CFAP46: variants seen among roughly 807,000 people sequenced by gnomAD.
The protein encoded by CFAP46 is cilia and flagella associated protein 46, also known as cilia- and flagella-associated protein 46.
CFAP46 carries 245 observed loss-of-function variants against 325.7 expected under a neutral mutation model. The observed-to-expected ratio is 0.75, with a 90% CI of 0.68 to 0.84. CFAP46 has a LOEUF of 0.84. CFAP46 is among the 40% of genes least tolerant of loss of function. The pLI is 0.00. For synonymous variants in CFAP46, 1,523 were observed against 1,495.9 expected (o/e 1.02, Z -0.42); for missense variants, 3,346 against 3,543.0 (o/e 0.94, Z 1.41).
intron 44 of CFAP46, among the ~76,000 whole-genome samples, chr10:132,842,024 G>C (rs1848353731): frequency 6.6e-6 from 1 of 152,236 alleles, no homozygotes; most frequent in Admixed American, 6.5e-5. Context: ...CTAGAGCCTT[G>C]GCTCCTCTCC....
In CFAP46 at chr10:132,920,161, C is replaced by G; in HGVS notation, c.1628G>C (p.Gly543Ala). Residue 543 changes from glycine (G) to alanine (A), a missense_variant, in exon 14 of 58, where the codon GGC becomes GCC. Coordinates refer to ENST00000368586, the MANE Select transcript of CFAP46 (RefSeq NM_001200049.3). Reference sequence around the variant, plus strand: ...CTTCGCACAGAGGTAGGTGAACCGGCCCCTGTTCTTCCCGGTGGAGACTGA... The same window carrying G: ...CTTCGCACAGAGGTAGGTGAACCGGGCCCTGTTCTTCCCGGTGGAGACTGA... ...EAKVSTGKNR[G>A]RFTYLCAKAW... 1 of 1,545,864 alleles carries G rather than the reference C, an allele frequency of 6.5e-7. No individual in the cohort carries two copies. Among genetic ancestry groups the G allele is most frequent in the Non-Finnish European group, 8.7e-7 (1 of 1,145,212 alleles).
chr10:132,936,997 C>T lies in CFAP46; in HGVS notation c.719G>A (p.Ser240Asn). 6.5e-7 allele frequency: 1 copy of T among 1,545,904 alleles called. No individual in the cohort carries two copies. Among genetic ancestry groups the T allele is most frequent in the Non-Finnish European group, 8.8e-7 (1 of 1,136,676 alleles). The change falls in exon 7 of 58, where the codon AGC becomes AAC. Residue 240 changes from serine (S) to asparagine (N), a missense_variant. Coordinates refer to ENST00000368586, the MANE Select transcript of CFAP46 (RefSeq NM_001200049.3). ...QLKEEKKNSI[S>N]LSVTFYINML... ...ATTAATATAGAAAGTGACTGACAGG[C>T]TAATGGAATTTTTCTTTTCTTCCTT...
chr10:132,887,695 CCTCTCCT>C (rs1354062766), intron 25 of CFAP46, among the ~76,000 whole-genome samples: 1 of 120,696 alleles, frequency 8.3e-6, no homozygotes, highest in African/African-American at 3.4e-5. Context: ...CTCTCTCTCT[CCTCTCCT>C]CTCTCTCTCC....
At chr10:132,910,372 C>G (rs967893105) in intron 19 of CFAP46, among the ~76,000 whole-genome samples, 2 of 152,232 alleles carry the variant, frequency 1.3e-5, no homozygotes, top group South Asian at 2.1e-4. Context: ...GCACCCCTCC[C>G]CCACTGCAGC....
At chr10:132,922,825 C>T (rs374563754) in intron 11 of CFAP46, 117 bp from the exon 12 acceptor site, 9 of 792,260 alleles carry the variant, frequency 1.1e-5, no homozygotes, top group Admixed American at 7.4e-5. Context: ...GGCTTGGTGC[C>T]CGGTGCCCCT....
Position 132,918,521 on chromosome 10 carries a change from CT to C in CFAP46, c.1859-2del. On this transcript the variant is annotated splice_acceptor_variant, in intron 15 of 57. Transcript: ENST00000368586. LOFTEE classifies it high-confidence loss of function. ...CCGTCCCTACCTCGCTTCTTCTTCC[CT>C]GAGAGAAATGGCAGCAGGTAAGGAT... 3 of 1,512,082 alleles carry C rather than the reference CT, an allele frequency of 2.0e-6. No homozygotes were observed. The highest frequency in any genetic ancestry group is 2.7e-6 in the Non-Finnish European group (3 of 1,122,280). 93.7% of individuals were successfully genotyped at this position (1,512,082 alleles called of 1,614,324 possible).
chr10:132,832,789 G>A lies in CFAP46; in HGVS notation c.7117+569C>T, dbSNP rs571941707. ...GTCAGGGCCTTCCGCGCGCTCCCTC[G>A]TGCTTTTCACTGTCTGAGTGATTAA... On this transcript the variant is annotated intron_variant, in intron 50 of 57. Transcript: ENST00000368586. This position sits in a 1 kb window ranked among gnomAD's most constrained non-coding sequence, Gnocchi z 4.1. The A allele has an allele frequency of 2.3e-5, 11 of 471,126 alleles. No individual in the cohort carries two copies. The highest frequency in any genetic ancestry group is 6.0e-5 in the African/African-American group (3 of 50,116). The allele number at this position is 471,126 out of a possible 1,614,324, so 29.2% of individuals were successfully genotyped here.
chr10:132,924,778 G>T lies in CFAP46; in HGVS notation c.1174C>A (p.Leu392Met). Residue 392 changes from leucine to methionine, a missense_variant, in exon 11 of 58, where the codon CTG becomes ATG. Leu to Met is a conservative substitution (Grantham distance 15). Transcript: ENST00000368586. ...CGCAGGTTGTGCTGCAGCAGGGGCAGGCAGGTGTTCCACTGCGTGGCGCAC... is the reference window on the plus strand; with the variant it reads ...CGCAGGTTGTGCTGCAGCAGGGGCATGCAGGTGTTCCACTGCGTGGCGCAC... ...VVCATQWNTCLPLLQHNLRHH... is the reference protein window; with the variant it reads ...VVCATQWNTCMPLLQHNLRHH... 1 of 1,532,184 alleles carries T rather than the reference G, an allele frequency of 6.5e-7. No individual in the cohort carries two copies. The highest frequency in any genetic ancestry group is 2.5e-5 in the East Asian group (1 of 39,846). The allele number at this position is 1,532,184 out of a possible 1,614,324, so 94.9% of individuals were successfully genotyped here.
Position 132,881,640 on chromosome 10 carries a change from G to A in CFAP46, c.3628-608C>T, listed in dbSNP as rs61862351. On this transcript the variant is annotated intron_variant, in intron 27 of 57. Transcript: ENST00000368586. ...CGCACCCTCCGCAGCCCTGCGAGCC[G>A]GGGTTAGCCTGCACCGCACCCTCCG... 2.8e-4 allele frequency among the ~76,000 whole-genome samples: 21 copies of A among 75,748 alleles called. No individual in the cohort carries two copies. In the South Asian group the frequency reaches 4.6e-3, roughly 17 times the overall value. The allele number at this position is 75,748 out of a possible 152,430, so 49.7% of individuals were successfully genotyped here. A position where few individuals can be genotyped will look rare whatever the true frequency, so the allele number is the denominator to read the frequency against.
intron 25 of CFAP46, among the ~76,000 whole-genome samples, chr10:132,888,998 C>A (rs1191291605): frequency 6.6e-6 from 1 of 152,232 alleles, no homozygotes; most frequent in East Asian, 1.9e-4. Context: ...CCTCTGGAGC[C>A]TTCTCAGACT....
intron 25 of CFAP46, among the ~76,000 whole-genome samples, chr10:132,890,882 A>T (rs766977559): frequency 2.6e-5 from 4 of 151,964 alleles, no homozygotes; most frequent in Non-Finnish European, 5.9e-5. Context: ...CTCTAAATAG[A>T]CTCTAATGCT....
chr10:132,814,653 T>A (rs748667578), intron 52 of CFAP46, 33 bp downstream of exon 52: 1 of 1,582,728 alleles, frequency 6.3e-7, no homozygotes, highest in African/African-American at 1.3e-5. Context: ...CAGGGCGGGG[T>A]CTGGGGCCCC....
intron 44 of CFAP46, among the ~76,000 whole-genome samples, chr10:132,837,279 C>T (rs1229993378): frequency 1.3e-5 from 2 of 152,254 alleles, no homozygotes; most frequent in African/African-American, 4.8e-5. Context: ...CCTTCTGTGT[C>T]CTCCACACCA....
At chr10:132,835,256 G>A (rs936399964) in intron 47 of CFAP46, 48 bp downstream of exon 47, 1 of 1,599,054 alleles carries the variant, frequency 6.3e-7, no homozygotes, top group South Asian at 1.1e-5. Context: ...CCCAGGGGTG[G>A]GGAGCAGAGG....
intron 36 of CFAP46, 71 bp from the exon 37 acceptor site, chr10:132,860,594 G>A (rs937664845): frequency 2.3e-6 from 3 of 1,280,836 alleles, no homozygotes; most frequent in Non-Finnish European, 3.3e-6. Context: ...CTGAGGACGG[G>A]CGGGCAGGGA....
At chr10:132,881,973 T>C (rs532620236) in intron 27 of CFAP46, among the ~76,000 whole-genome samples, 107 of 145,700 alleles carry the variant, frequency 7.3e-4, no homozygotes, top group African/African-American at 2.7e-3. Flanking sequence ...GTGGGGTGTG[T>C]GTGGTCTGTG....
chr10:132,841,959 G>A (rs1848351352), intron 44 of CFAP46, among the ~76,000 whole-genome samples: 1 of 152,214 alleles, frequency 6.6e-6, no homozygotes, highest in South Asian at 2.1e-4. Flanking sequence ...TTCTTCCACT[G>A]CCTTGAAGAA....
chr10:132,912,833 C>T lies in CFAP46; in HGVS notation c.2334-13G>A. The T allele has an allele frequency of 1.9e-6, 3 of 1,546,604 alleles. No individual in the cohort carries two copies. The highest frequency in any genetic ancestry group is 1.2e-5 in the South Asian group (1 of 84,016). On this transcript the variant is annotated splice_polypyrimidine_tract_variant and intron_variant, in intron 18 of 57. Transcript: ENST00000368586. ...CATCACGGGGTCCCTGGGAGACATG[C>T]TTGTCAGAGGGAACCTTGGCCCCCG...
rs1849487527 is a variant in CFAP46, at chr10:132,908,292, G to T, written c.2924+176C>A. 4 of 718,764 alleles carry T rather than the reference G, an allele frequency of 5.6e-6. No individual in the cohort carries two copies. The East Asian group carries it at 1.1e-4, about 20-fold the overall frequency. 44.5% of individuals were successfully genotyped at this position (718,764 alleles called of 1,614,324 possible). A position where few individuals can be genotyped will look rare whatever the true frequency, so the allele number is the denominator to read the frequency against. On this transcript the variant is annotated intron_variant, in intron 22 of 57. Coordinates refer to ENST00000368586, the MANE Select transcript of CFAP46 (RefSeq NM_001200049.3). ...GCCCGCGCTCCCTGCCCGTTTTGGGGACCTGGTGGGGCGCTCACACGCGCC... is the reference window on the plus strand; with the variant it reads ...GCCCGCGCTCCCTGCCCGTTTTGGGTACCTGGTGGGGCGCTCACACGCGCC...
Sources: allele counts gnomAD v4.1 joint callset (sites outside exome capture counted in the v4.1 genomes callset), GRCh38; gene constraint gnomAD v4.1.1; non-coding constraint Gnocchi (gnomAD v3.1); transcripts MANE v1.5; gene names NCBI Gene and HGNC (gene_info 2026-07-23, HGNC 2026-07-21).